CAPN9: variants seen among roughly 807,000 people sequenced by gnomAD.
CAPN9 encodes calpain-9.
In CAPN9, 81 loss-of-function variants were observed where a neutral mutation model predicts 92.8. That is an observed-to-expected ratio of 0.87 (90% CI 0.73 to 1.05). The LOEUF (loss-of-function observed/expected upper bound fraction) is 1.05, where lower values mean the gene tolerates loss of function less well. CAPN9 is among the 50% of genes least tolerant of loss of function. The pLI is 0.00. For synonymous variants in CAPN9, 304 were observed against 328.0 expected (o/e 0.93, Z 0.79); for missense variants, 848 against 866.2 (o/e 0.98, Z 0.26).
chr1:230,772,756 T>A (rs1666473486), intron 7 of CAPN9, among the ~76,000 whole-genome samples: 1 of 151,944 alleles, frequency 6.6e-6, no homozygotes, highest in African/African-American at 2.4e-5. Flanking sequence ...TTTTTTTTTT[T>A]TTTTTTAAAG....
intron 8 of CAPN9, chr1:230,776,235 AG>A (rs1396512331): frequency 6.6e-6 from 1 of 152,196 alleles, no homozygotes; most frequent in Non-Finnish European, 1.5e-5. Flanking sequence ...AAAGAGGGCA[AG>A]GCAGCTCTCT....
chr1:230,800,411 T>G (rs577383447), intron 19 of CAPN9, among the ~76,000 whole-genome samples: 7 of 152,170 alleles, frequency 4.6e-5, no homozygotes, highest in Admixed American at 1.3e-4. Flanking sequence ...TGGCTGCCCC[T>G]GGTCCATGGT....
rs28359610 is a variant in CAPN9, at chr1:230,759,675, G to C, written c.402+45G>C. On this transcript the variant is annotated intron_variant, in intron 3 of 19. Transcript: ENST00000271971. Reference sequence around the variant, plus strand: ...CAGTGGGTTTACCTCTCTGGGGCCCGGCATGAGGGCAGGTGCATTTCCACA... The same window carrying C: ...CAGTGGGTTTACCTCTCTGGGGCCCCGCATGAGGGCAGGTGCATTTCCACA... 8.0e-6 allele frequency: 10 copies of C among 1,257,520 alleles called. No homozygotes were observed. In the African/African-American group the frequency reaches 1.5e-4, roughly 19 times the overall value. 77.9% of individuals were successfully genotyped at this position (1,257,520 alleles called of 1,614,324 possible). A position where few individuals can be genotyped will look rare whatever the true frequency, so the allele number is the denominator to read the frequency against.
rs772767491 is a variant in CAPN9 at position 230,785,985 on chromosome 1, A to G, written c.1486A>G (p.Met496Val). 18 of 1,613,902 alleles carry G rather than the reference A, an allele frequency of 1.1e-5. No homozygotes were observed. Among genetic ancestry groups the G allele is most frequent in the Non-Finnish European group, 1.5e-5 (18 of 1,179,850 alleles). The change falls in exon 12 of 20, where the codon ATG (methionine) becomes GTG (valine). Residue 496 changes from methionine to valine, a missense_variant. Physicochemically the swap from Met to Val is conservative, Grantham distance 21. Transcript: ENST00000271971. The part of the protein sequence containing the change: ...FSEKKAITRD[M>V]DGNVDIDLPE... ...TGTGTTTTTCTGCCCCTACAGGGAT[A>G]TGGATGGAAATGTAGACATTGACCT...
intron 5 of CAPN9, among the ~76,000 whole-genome samples, chr1:230,768,485 A>G (rs1260157235): frequency 6.6e-6 from 1 of 151,572 alleles, no homozygotes; most frequent in Non-Finnish European, 1.5e-5. Flanking sequence ...CACAAACATC[A>G]AGGTCAGTTG....
chr1:230,769,604 AAC>A (rs1666243465), intron 6 of CAPN9, among the ~76,000 whole-genome samples: 1 of 151,630 alleles, frequency 6.6e-6, no homozygotes. Context: ...CATACAATTA[AAC>A]ACACACACAC....
At chr1:230,791,116 T>C (rs192224207) in intron 14 of CAPN9, among the ~76,000 whole-genome samples, 1 of 152,298 alleles carries the variant, frequency 6.6e-6, no homozygotes, top group African/African-American at 2.4e-5. Flanking sequence ...TTCTGTTTAT[T>C]CATTCATCTA....
At chr1:230,784,915 C>G (rs1667475662) in intron 11 of CAPN9, among the ~76,000 whole-genome samples, 1 of 152,238 alleles carries the variant, frequency 6.6e-6, no homozygotes, top group African/African-American at 2.4e-5. Flanking sequence ...AGGTACTCAA[C>G]AACCCATGAC....
intron 10 of CAPN9, 80 bp from the exon 11 acceptor site, chr1:230,780,420 C>T (rs532238654): frequency 1.3e-6 from 2 of 1,596,982 alleles, no homozygotes; most frequent in East Asian, 2.2e-5. Flanking sequence ...ACCCGAGACT[C>T]AACCAAGAGT....
intron 2 of CAPN9, among the ~76,000 whole-genome samples, chr1:230,759,168 A>G (rs1665452676): frequency 6.6e-6 from 1 of 152,204 alleles, no homozygotes; most frequent in Admixed American, 6.5e-5. Context: ...CTGCTCGCCC[A>G]GCCCGTGCTG....
chr1:230,758,837 C>T (rs186457200), intron 2 of CAPN9, among the ~76,000 whole-genome samples: 3 of 152,270 alleles, frequency 2.0e-5, no homozygotes, highest in Admixed American at 2.0e-4. Flanking sequence ...AGGCACACAC[C>T]AGACACAGCC....
chr1:230,756,850 G>A (rs1194564968), intron 2 of CAPN9, among the ~76,000 whole-genome samples: 3 of 152,108 alleles, frequency 2.0e-5, no homozygotes, highest in Non-Finnish European at 2.9e-5. Context: ...GCTGAGATGG[G>A]AGGATTGCTT....
At chr1:230,763,146 G>T (rs556223371) in intron 4 of CAPN9, among the ~76,000 whole-genome samples, 16 of 152,292 alleles carry the variant, frequency 1.1e-4, no homozygotes, top group African/African-American at 3.8e-4. Context: ...GGGCTATTAC[G>T]CACGTTGATA....
At chr1:230,761,062 C>T (rs1665600598) in intron 3 of CAPN9, among the ~76,000 whole-genome samples, 1 of 152,094 alleles carries the variant, frequency 6.6e-6, no homozygotes, top group Non-Finnish European at 1.5e-5. Context: ...GGTCACAAAA[C>T]AATAAGTAGC....
At chr1:230,791,761 C>A (rs1215221259) in intron 14 of CAPN9, 103 bp from the exon 15 acceptor site, 1 of 814,570 alleles carries the variant, frequency 1.2e-6, no homozygotes, top group South Asian at 1.6e-5. Flanking sequence ...CATCACAGCC[C>A]CCAACAGCCC....
rs189454297 is a variant in CAPN9 at position 230,747,537 on chromosome 1, C to T, written c.41C>T (p.Pro14Leu). ...LYRAPGPQAH[P>L]VPKDARITHS... ...CGGGCCCCAGGGCCTCAGGCACACCCGGTTCCCAAGGACGCCCGGATCACC... is the reference window on the plus strand; with the variant it reads ...CGGGCCCCAGGGCCTCAGGCACACCTGGTTCCCAAGGACGCCCGGATCACC... Residue 14 changes from proline to leucine, a missense_variant, in exon 1 of 20, where the codon CCG (proline) becomes CTG (leucine). Physicochemically the swap from Pro to Leu is moderately conservative, Grantham distance 98 (BLOSUM62 -3). Transcript: ENST00000271971. The T allele has an allele frequency of 9.5e-5, 153 of 1,614,160 alleles. No homozygotes were observed. The East Asian group carries it at 2.6e-3, about 28-fold the overall frequency.
In CAPN9 at chr1:230,760,338, C is replaced by T. The variant is rs572864923; in HGVS notation, c.402+708C>T. Among the ~76,000 whole-genome samples, 4 of 152,320 alleles carry T rather than the reference C, an allele frequency of 2.6e-5. No homozygotes were observed. In the East Asian group the frequency reaches 7.7e-4, roughly 29 times the overall value. ...AAAAGGAGAGACTGACAGTTCCCTGCAGGCTTCCCGTAGAGCTAAATGGCA... is the reference window on the plus strand; with the variant it reads ...AAAAGGAGAGACTGACAGTTCCCTGTAGGCTTCCCGTAGAGCTAAATGGCA... On this transcript the variant is annotated intron_variant, in intron 3 of 19. Coordinates refer to ENST00000271971, the MANE Select transcript of CAPN9 (RefSeq NM_006615.3).
chr1:230,750,067 G>A (rs1054840847), intron 1 of CAPN9, among the ~76,000 whole-genome samples: 6 of 152,108 alleles, frequency 3.9e-5, no homozygotes, highest in Admixed American at 2.0e-4. Context: ...CCTGCCCAGC[G>A]ACTCTAGAGT....
At chr1:230,783,175 T>A (rs1270190295) in intron 11 of CAPN9, among the ~76,000 whole-genome samples, 1 of 152,252 alleles carries the variant, frequency 6.6e-6, no homozygotes, top group Non-Finnish European at 1.5e-5. Context: ...GTAATGCAAC[T>A]GCACTGTTTA....
Sources: allele counts gnomAD v4.1 joint callset (sites outside exome capture counted in the v4.1 genomes callset), GRCh38; gene constraint gnomAD v4.1.1; transcripts MANE v1.5; gene names NCBI Gene and HGNC (gene_info 2026-07-23, HGNC 2026-07-21).